Variants in KLHL1 observed in about 807,000 individuals in gnomAD.
The protein encoded by KLHL1 is kelch-like protein 1.
In KLHL1, 47 loss-of-function variants were observed where a neutral mutation model predicts 77.7. That is an observed-to-expected ratio of 0.60 (90% CI 0.48 to 0.77). The LOEUF (loss-of-function observed/expected upper bound fraction) is 0.77, where lower values mean the gene tolerates loss of function less well. Among genes scored for constraint, KLHL1 ranks in the 30% least tolerant of loss-of-function variants. KLHL1 has a pLI of 0.00. For missense variants in KLHL1, 925 were observed against 910.8 expected, an observed-to-expected ratio of 1.02 and a Z score of -0.20; for synonymous variants, 360 against 325.2, an observed-to-expected ratio of 1.11 and a Z score of -1.15.
chr13:69,938,608 T>C (rs1486649316), intron 4 of KLHL1, among the ~76,000 whole-genome samples: 1 of 152,058 alleles, frequency 6.6e-6, no homozygotes, highest in Non-Finnish European at 1.5e-5. Context: ...CAGGAGCTCC[T>C]AAAGTTAATG....
intron 1 of KLHL1, among the ~76,000 whole-genome samples, chr13:70,078,424 G>T (rs1374652619): frequency 6.6e-6 from 1 of 151,900 alleles, no homozygotes; most frequent in African/African-American, 2.4e-5. Flanking sequence ...TTTAATCATA[G>T]AAAACCTTCA....
intron 7 of KLHL1, among the ~76,000 whole-genome samples, chr13:69,769,719 C>T (rs1372192192): frequency 2.0e-5 from 3 of 152,120 alleles, no homozygotes; most frequent in Non-Finnish European, 4.4e-5. Context: ...CCCCCTTTCA[C>T]AGAAAAGAGG....
At chr13:69,978,974 G>T (rs1391103397) in intron 1 of KLHL1, among the ~76,000 whole-genome samples, 3 of 151,922 alleles carry the variant, frequency 2.0e-5, no homozygotes, top group Non-Finnish European at 4.4e-5. Context: ...ACCCTGGTTT[G>T]GGGGGCTGGG....
At chr13:70,018,724 A>G (rs920232959) in intron 1 of KLHL1, among the ~76,000 whole-genome samples, 2 of 149,892 alleles carry the variant, frequency 1.3e-5, no homozygotes, top group Non-Finnish European at 2.9e-5. Context: ...AGATTTACAG[A>G]GAGGTCTAGA....
chr13:69,871,748 G>A (rs1489767961), intron 5 of KLHL1, among the ~76,000 whole-genome samples: 1 of 147,908 alleles, frequency 6.8e-6, no homozygotes, highest in Non-Finnish European at 1.5e-5. Flanking sequence ...TTTTTCCTGT[G>A]GTGGAACAAG....
chr13:69,912,675 T>C (rs1012454233), intron 4 of KLHL1, among the ~76,000 whole-genome samples: 2 of 152,110 alleles, frequency 1.3e-5, no homozygotes, highest in African/African-American at 4.8e-5. Context: ...ACACAGCTGT[T>C]GTAGTGTTTC....
At chr13:70,043,277 A>G (rs760769292) in intron 1 of KLHL1, among the ~76,000 whole-genome samples, 2 of 152,198 alleles carry the variant, frequency 1.3e-5, no homozygotes, top group Non-Finnish European at 2.9e-5. Context: ...AAGTTATATA[A>G]TAAGAAAAAA....
chr13:70,016,827 C>T (rs572838269), intron 1 of KLHL1, among the ~76,000 whole-genome samples: 14 of 152,172 alleles, frequency 9.2e-5, no homozygotes, highest in African/African-American at 3.1e-4. Flanking sequence ...GGAGTGAGAA[C>T]TTATGGTGGT....
chr13:69,848,774 A>G (rs1879570412), intron 5 of KLHL1, among the ~76,000 whole-genome samples: 1 of 151,574 alleles, frequency 6.6e-6, no homozygotes, highest in Admixed American at 6.6e-5. Flanking sequence ...GAATACAGAA[A>G]TAGTTGATTG....
At chr13:70,008,224 G>T (rs2137334052) in intron 1 of KLHL1, among the ~76,000 whole-genome samples, 1 of 151,842 alleles carries the variant, frequency 6.6e-6, no homozygotes, top group South Asian at 2.1e-4. Flanking sequence ...GTATTTATAG[G>T]TTTCTTTTGG....
chr13:69,972,451 A>G (rs1390615438), intron 2 of KLHL1, among the ~76,000 whole-genome samples: 1 of 151,914 alleles, frequency 6.6e-6, no homozygotes, highest in Non-Finnish European at 1.5e-5. Flanking sequence ...TCATCATTTT[A>G]TTCTTCATTT....
chr13:69,904,626 A>G (rs1881987459), intron 4 of KLHL1, among the ~76,000 whole-genome samples: 1 of 152,198 alleles, frequency 6.6e-6, no homozygotes, highest in South Asian at 2.1e-4. Context: ...GTCAAAATCT[A>G]TGTGGCCATT....
chr13:70,012,128 G>A (rs868204198), intron 1 of KLHL1, among the ~76,000 whole-genome samples: 17 of 152,012 alleles, frequency 1.1e-4, no homozygotes, highest in African/African-American at 3.1e-4. Flanking sequence ...CCCACAACAC[G>A]TAGAAATTAA....
At chr13:70,086,830 C>A (rs1201054735) in intron 1 of KLHL1, among the ~76,000 whole-genome samples, 1 of 151,350 alleles carries the variant, frequency 6.6e-6, no homozygotes, top group African/African-American at 2.4e-5. Context: ...AAATAAATAT[C>A]ATTTTGACTT....
chr13:69,834,092 G>A (rs1406585410), intron 6 of KLHL1, among the ~76,000 whole-genome samples: 4 of 151,794 alleles, frequency 2.6e-5, no homozygotes, highest in African/African-American at 9.7e-5. Context: ...GGGGAGGGAT[G>A]AAAGAGTGGA....
At chr13:69,811,594 C>T (rs1877882650) in intron 6 of KLHL1, among the ~76,000 whole-genome samples, 1 of 152,042 alleles carries the variant, frequency 6.6e-6, no homozygotes, top group African/African-American at 2.4e-5. Context: ...ACTATAAATC[C>T]TCTATTCAAC....
intron 7 of KLHL1, among the ~76,000 whole-genome samples, chr13:69,788,596 G>T (rs919327618): frequency 1.3e-5 from 2 of 152,032 alleles, no homozygotes; most frequent in African/African-American, 4.8e-5. Flanking sequence ...CACCAACATG[G>T]CACATGTATG....
chr13:69,764,215 T>C (rs1875158053), intron 7 of KLHL1, among the ~76,000 whole-genome samples: 1 of 152,186 alleles, frequency 6.6e-6, no homozygotes, highest in Non-Finnish European at 1.5e-5. Context: ...CAATCACAGG[T>C]GATCAACTGT....
chr13:70,065,755 A>C (rs1471039814), intron 1 of KLHL1, among the ~76,000 whole-genome samples: 1 of 152,180 alleles, frequency 6.6e-6, no homozygotes, highest in East Asian at 1.9e-4. Flanking sequence ...CTTTAATGCC[A>C]AAAACAGTGC....
Sources: allele counts gnomAD v4.1 joint callset (sites outside exome capture counted in the v4.1 genomes callset), GRCh38; gene constraint gnomAD v4.1.1; transcripts MANE v1.5; gene names NCBI Gene and HGNC (gene_info 2026-07-23, HGNC 2026-07-21).